Variants in MDGA2 observed in about 807,000 individuals in gnomAD.
MDGA2 encodes the protein MAM domain containing glycosylphosphatidylinositol anchor 2.
Under a neutral mutation model 117.8 loss-of-function variants are expected in MDGA2, and 40 were observed. The ratio of observed to expected loss-of-function variants is 0.34; its 90% CI spans 0.26 to 0.44. The LOEUF (loss-of-function observed/expected upper bound fraction) is 0.44, where lower values mean the gene tolerates loss of function less well. MDGA2 is among the 20% of genes least tolerant of loss of function. The pLI, the probability that MDGA2 is intolerant of heterozygous loss-of-function variation, is 1.00. For synonymous variants in MDGA2, 452 were observed against 439.0 expected (o/e 1.03, Z -0.37); for missense variants, 1,123 against 1,250.6 (o/e 0.90, Z 1.54).
chr14:47,267,220 T>G (rs1261707087), intron 2 of MDGA2, among the ~76,000 whole-genome samples: 1 of 152,106 alleles, frequency 6.6e-6, no homozygotes, highest in Non-Finnish European at 1.5e-5. Flanking sequence ...ATATGATTCT[T>G]TTTTTGGTAA....
intron 1 of MDGA2, among the ~76,000 whole-genome samples, chr14:47,540,575 T>C (rs371388417): frequency 1.1e-4 from 15 of 133,992 alleles, no homozygotes; most frequent in Admixed American, 1.5e-4. Flanking sequence ...CACACACACA[T>C]AGAGAGAGAG....
At chr14:47,100,484 G>T (rs922536035) in intron 5 of MDGA2, among the ~76,000 whole-genome samples, 1 of 152,034 alleles carries the variant, frequency 6.6e-6, no homozygotes, top group Non-Finnish European at 1.5e-5. Flanking sequence ...GGTCATAGAG[G>T]TCATAAATTC....
At chr14:47,321,087 T>C (rs918418900) in intron 1 of MDGA2, among the ~76,000 whole-genome samples, 1 of 152,128 alleles carries the variant, frequency 6.6e-6, no homozygotes, top group African/African-American at 2.4e-5. Flanking sequence ...CAGGACATAT[T>C]TGAAGGTGAA....
intron 2 of MDGA2, among the ~76,000 whole-genome samples, chr14:47,294,188 C>A (rs564966712): frequency 3.3e-5 from 5 of 150,796 alleles, no homozygotes; most frequent in African/African-American, 1.2e-4. Context: ...TTGACCTCCC[C>A]AGGCTCAAGC....
chr14:47,502,675 A>T (rs1894422603), intron 1 of MDGA2, among the ~76,000 whole-genome samples: 1 of 151,828 alleles, frequency 6.6e-6, no homozygotes, highest in Admixed American at 6.6e-5. Context: ...TATTATTTGT[A>T]TTTTTTTGGG....
chr14:47,130,810 C>CA (rs1030776105), intron 5 of MDGA2, among the ~76,000 whole-genome samples: 15 of 151,764 alleles, frequency 9.9e-5, no homozygotes, highest in African/African-American at 3.1e-4. Context: ...GACCCAGACA[C>CA]AAAAAAAGCC....
chr14:47,020,192 G>A lies in MDGA2; in HGVS notation c.1819+14819C>T, dbSNP rs1029027410. Reference sequence around the variant, plus strand: ...AACCGCTTTATCTAACAATGAAAACGCATCAGTGTTAAGGAATTCTATGGA... The same window carrying A: ...AACCGCTTTATCTAACAATGAAAACACATCAGTGTTAAGGAATTCTATGGA... On this transcript the variant is annotated intron_variant, in intron 8 of 16. Transcript: ENST00000399232. Among the ~76,000 whole-genome samples the A allele has an allele frequency of 2.3e-4, 35 of 152,158 alleles. No individual in the cohort carries two copies. In the East Asian group the frequency reaches 2.3e-3, roughly 10 times the overall value.
At chr14:46,924,999 G>T (rs1228729406) in intron 9 of MDGA2, among the ~76,000 whole-genome samples, 2 of 152,110 alleles carry the variant, frequency 1.3e-5, no homozygotes, top group African/African-American at 4.8e-5. Context: ...TGGTAATGAG[G>T]CCACCACCTA....
intron 3 of MDGA2, among the ~76,000 whole-genome samples, chr14:47,214,646 A>G (rs1469644994): frequency 1.3e-5 from 2 of 152,154 alleles, no homozygotes; most frequent in Non-Finnish European, 2.9e-5. Flanking sequence ...CAAAGATTTC[A>G]AAATATCTAA....
At position 46,929,626 on chromosome 14, in the gene MDGA2, T is replaced by C. The variant is rs1172632465; in HGVS notation, c.2090-9466A>G. On this transcript the variant is annotated intron_variant, in intron 9 of 16. Coordinates refer to ENST00000399232, the MANE Select transcript of MDGA2 (RefSeq NM_001113498.3). ...GTATATATATATATATATATATATA[T>C]ATATATATATATATATATATACATT... 3.2e-4 allele frequency among the ~76,000 whole-genome samples: 10 copies of C among 30,860 alleles called. 1 individual carries two copies. Among genetic ancestry groups the C allele is most frequent in the Non-Finnish European group, 4.9e-4 (7 of 14,294 alleles). 20.2% of individuals were successfully genotyped at this position (30,860 alleles called of 152,430 possible).
intron 1 of MDGA2, among the ~76,000 whole-genome samples, chr14:47,511,634 A>C (rs575660013): frequency 2.6e-5 from 4 of 152,318 alleles, no homozygotes; most frequent in African/African-American, 7.2e-5. Flanking sequence ...GACTTAAAAC[A>C]GGACTTATAT....
chr14:47,291,232 G>A (rs1394870734), intron 2 of MDGA2, among the ~76,000 whole-genome samples: 1 of 152,122 alleles, frequency 6.6e-6, no homozygotes, highest in Non-Finnish European at 1.5e-5. Context: ...AAATGACTTG[G>A]AGAAATATTT....
intron 8 of MDGA2, among the ~76,000 whole-genome samples, chr14:47,023,932 G>A (rs1888381638): frequency 1.3e-5 from 2 of 152,032 alleles, no homozygotes; most frequent in Non-Finnish European, 2.9e-5. Context: ...CTGATATACA[G>A]AGAAGAAGAA....
chr14:47,130,431 T>C (rs967702751), intron 5 of MDGA2, among the ~76,000 whole-genome samples: 4 of 152,106 alleles, frequency 2.6e-5, no homozygotes, highest in Non-Finnish European at 5.9e-5. Context: ...TGTTCCTCCA[T>C]TGCTGAACCA....
At chr14:47,591,069 T>C (rs771600631) in intron 1 of MDGA2, among the ~76,000 whole-genome samples, 1 of 152,058 alleles carries the variant, frequency 6.6e-6, no homozygotes, top group Non-Finnish European at 1.5e-5. Context: ...TGGCAATGAA[T>C]AGAACTTTGA....
chr14:47,382,275 A>G (rs1181692658), intron 1 of MDGA2, among the ~76,000 whole-genome samples: 1 of 152,210 alleles, frequency 6.6e-6, no homozygotes. Flanking sequence ...AGGCAACACC[A>G]TTCAGGACAT....
intron 3 of MDGA2, among the ~76,000 whole-genome samples, chr14:47,166,969 A>G (rs1883906115): frequency 6.6e-6 from 1 of 152,188 alleles, no homozygotes; most frequent in Admixed American, 6.5e-5. Flanking sequence ...AGTATCCGGC[A>G]CATAGAATTC....
chr14:47,301,298 CACACA>C (rs1889274693), intron 2 of MDGA2, 108 bp downstream of exon 2: 3 of 47,164 alleles, frequency 6.4e-5, no homozygotes, highest in African/African-American at 1.5e-4. Context: ...CACCCACCCA[CACACA>C]CACACACACA....
At chr14:47,652,174 A>C (rs1338148177) in intron 1 of MDGA2, among the ~76,000 whole-genome samples, 1 of 152,224 alleles carries the variant, frequency 6.6e-6, no homozygotes, top group Non-Finnish European at 1.5e-5. Context: ...AGCAAAAGAT[A>C]TACAGAAGCA....
Sources: allele counts gnomAD v4.1 joint callset (sites outside exome capture counted in the v4.1 genomes callset), GRCh38; gene constraint gnomAD v4.1.1; transcripts MANE v1.5; gene names NCBI Gene and HGNC (gene_info 2026-07-23, HGNC 2026-07-21).